The following TARBP2 variants were observed in gnomAD, a reference collection of about 807,000 sequenced individuals.
The protein encoded by TARBP2 is TARBP2 subunit of RISC loading complex.
TARBP2 carries 23 observed loss-of-function variants against 40.4 expected under a neutral mutation model. That is an observed-to-expected ratio of 0.57 (90% CI 0.41 to 0.81). The LOEUF is 0.81. Ranked by LOEUF, TARBP2 falls within the 30% of genes least tolerant of loss-of-function variation. TARBP2 has a pLI of 0.00. For synonymous variants in TARBP2, 183 were observed against 190.5 expected (o/e 0.96, Z 0.32); for missense variants, 358 against 473.7 (o/e 0.76, Z 2.27).
intron 1 of TARBP2, 155 bp downstream of exon 1, chr12:53,501,616 C>T (rs1264078339): frequency 2.0e-6 from 3 of 1,466,778 alleles, no homozygotes; most frequent in Non-Finnish European, 2.7e-6. Context: ...GGGGCAGTGG[C>T]TGCTGCCTCC....
At position 53,505,360 on chromosome 12, in the gene TARBP2, G is replaced by C; in HGVS notation, c.741+98G>C. On this transcript the variant is annotated intron_variant, in intron 7 of 8. Coordinates refer to ENST00000266987, the MANE Select transcript of TARBP2 (RefSeq NM_134323.2). The surrounding 1 kb of genome is among the most constrained non-coding windows in gnomAD (Gnocchi z 4.5). ...TGTGACTCAGCAGTGAGCCTCTCTG[G>C]GCCCTAGGTCTGCTTCTGCCACAGT... The C allele has an allele frequency of 6.7e-7, 1 of 1,490,844 alleles. No individual in the cohort carries two copies. The highest frequency in any genetic ancestry group is 9.0e-7 in the Non-Finnish European group (1 of 1,116,846). The allele number at this position is 1,490,844 out of a possible 1,614,324, so 92.4% of individuals were successfully genotyped here. A position where few individuals can be genotyped will look rare whatever the true frequency, so the allele number is the denominator to read the frequency against.
intron 3 of TARBP2, 166 bp downstream of exon 3, chr12:53,503,295 T>C: frequency 7.2e-7 from 1 of 1,388,190 alleles, no homozygotes; most frequent in Non-Finnish European, 9.4e-7. Flanking sequence ...TCTGCTGCTA[T>C]GAAGAATTCT....
In TARBP2 at chr12:53,505,866, G is replaced by A; in HGVS notation, c.943+16G>A. On this transcript the variant is annotated intron_variant, in intron 8 of 8. Transcript: ENST00000266987. The surrounding 1 kb of genome is among the most constrained non-coding windows in gnomAD (Gnocchi z 4.5). Reference sequence around the variant, plus strand: ...CTGGATATTGGTATGGCTAGCTGGGGAGCGAGCCAGGGGATGGTGGGGGCT... The same window carrying A: ...CTGGATATTGGTATGGCTAGCTGGGAAGCGAGCCAGGGGATGGTGGGGGCT... 2 of 1,611,666 alleles carry A rather than the reference G, an allele frequency of 1.2e-6. No individual in the cohort carries two copies. The highest frequency in any genetic ancestry group is 1.7e-6 in the Non-Finnish European group (2 of 1,178,068).
chr12:53,501,432 C>T lies in TARBP2; in HGVS notation c.24C>T (p.Ser8=), dbSNP rs1943696575. Residue 8 remains serine (S), a synonymous_variant, in exon 1 of 9, where the codon TCC becomes TCT. Coordinates refer to ENST00000266987, the MANE Select transcript of TARBP2 (RefSeq NM_134323.2). MSEEEQG[S]GTTTGCGLPS... is the part of the protein sequence containing the mutation. The stretch of plus-strand genomic sequence containing the variant: ...GAATGAGTGAAGAGGAGCAAGGCTC[C>T]GGCACTACCACGGGCTGCGGGCTGC... The T allele has an allele frequency of 6.4e-7, 1 of 1,568,782 alleles. No homozygotes were observed. Among genetic ancestry groups the T allele is most frequent in the Non-Finnish European group, 8.6e-7 (1 of 1,156,776 alleles).
rs1592744422 is a variant in TARBP2, at chr12:53,505,915, T to G, written c.943+65T>G. On this transcript the variant is annotated intron_variant, in intron 8 of 8. Transcript: ENST00000266987. The surrounding 1 kb of genome is among the most constrained non-coding windows in gnomAD (Gnocchi z 4.5). ...CTGGACCGGAGCAAGTAGAAGGGGG[T>G]GATGATAACGTGAACGCACCCCTCC... The G allele has an allele frequency of 1.2e-6, 2 of 1,603,574 alleles. No homozygotes were observed. The highest frequency in any genetic ancestry group is 1.7e-6 in the Non-Finnish European group (2 of 1,172,464).
Position 53,505,741 on chromosome 12 carries a change from C to T in TARBP2, c.834C>T (p.Ser278=), listed in dbSNP as rs761266200. Residue 278 remains serine, a synonymous_variant, in exon 8 of 9, where the codon TCC becomes TCT. Coordinates refer to ENST00000266987, the MANE Select transcript of TARBP2 (RefSeq NM_134323.2). This position sits in a 1 kb window ranked among gnomAD's most constrained non-coding sequence, Gnocchi z 4.5. ...ATTCAGTAGGAGAGAAGATCCTGTC[C>T]CTCCGCAGTTGCTCCCTGGGCTCCC... The part of the protein sequence containing the change: ...LRNSVGEKIL[S]LRSCSLGSLG... 6.2e-7 allele frequency: 1 copy of T among 1,614,030 alleles called. No homozygotes were observed. The highest frequency in any genetic ancestry group is 8.5e-7 in the Non-Finnish European group (1 of 1,179,964).
chr12:53,501,500 G>A (rs559790740), intron 1 of TARBP2, 39 bp downstream of exon 1: 13 of 1,553,430 alleles, frequency 8.4e-6, no homozygotes, highest in East Asian at 4.9e-5. Flanking sequence ...GGCGAAAAGC[G>A]TGGGGCCGTG....
chr12:53,504,172 A>C, intron 4 of TARBP2: 1 of 563,570 alleles, frequency 1.8e-6, no homozygotes, highest in South Asian at 2.5e-5. Flanking sequence ...AGTGTTCCAG[A>C]ATGGAAATGG....
intron 5 of TARBP2, 87 bp from the exon 6 acceptor site, chr12:53,504,611 G>T (rs1943881239): frequency 6.2e-7 from 1 of 1,612,316 alleles, no homozygotes; most frequent in East Asian, 2.2e-5. Flanking sequence ...CTCTCACCTA[G>T]AGTCTGAGGC....
rs1943815718 is a variant in TARBP2, at chr12:53,503,514, ACT to A, written c.327-194_327-193del. The A allele has an allele frequency of 6.8e-6, 4 of 590,220 alleles. No homozygotes were observed. The Admixed American group carries it at 9.2e-5, about 14-fold the overall frequency. The allele number at this position is 590,220 out of a possible 1,614,324, so 36.6% of individuals were successfully genotyped here. A position where few individuals can be genotyped will look rare whatever the true frequency, so the allele number is the denominator to read the frequency against. ...GTACAAAGATACCCTCTTCTCTGAG[ACT>A]CTCTTTTCTCAGTCTTTTCGCCGGT... On this transcript the variant is annotated intron_variant, in intron 3 of 8. Coordinates refer to ENST00000266987, the MANE Select transcript of TARBP2 (RefSeq NM_134323.2).
rs1943939136 is a variant in TARBP2 at position 53,505,587 on chromosome 12, G to A, written c.742-62G>A. The A allele has an allele frequency of 2.0e-6, 3 of 1,499,328 alleles. No homozygotes were observed. Among genetic ancestry groups the A allele is most frequent in the Non-Finnish European group, 2.8e-6 (3 of 1,079,406 alleles). The allele number at this position is 1,499,328 out of a possible 1,614,324, so 92.9% of individuals were successfully genotyped here. A position where few individuals can be genotyped will look rare whatever the true frequency, so the allele number is the denominator to read the frequency against. On this transcript the variant is annotated intron_variant, in intron 7 of 8. Coordinates refer to ENST00000266987, the MANE Select transcript of TARBP2 (RefSeq NM_134323.2). The surrounding 1 kb of genome is among the most constrained non-coding windows in gnomAD (Gnocchi z 4.5). ...GCTTTGTTCTCCTTTGACGTTGAAT[G>A]TCTCAATGCCTGGGTCCCACAGTCT...
In TARBP2 at chr12:53,504,709, G is replaced by A. The variant is rs1266282543; in HGVS notation, c.507G>A (p.Val169=). 5.6e-6 allele frequency: 9 copies of A among 1,614,198 alleles called. No individual in the cohort carries two copies. The highest frequency in any genetic ancestry group is 7.6e-6 in the Non-Finnish European group (9 of 1,180,038). The change falls in exon 6 of 9, where the codon GTG becomes GTA. Residue 169 remains valine (V), a synonymous_variant. Transcript: ENST00000266987. Reference sequence around the variant, plus strand: ...GTCTCCCTTCCAAGGAGCTGGTGGTGCAGAAAGGCTGGCGGTTGCCGGAGT... The same window carrying A: ...GTCTCCCTTCCAAGGAGCTGGTGGTACAGAAAGGCTGGCGGTTGCCGGAGT... ...NPVGALQELV[V]QKGWRLPEYT... is the part of the protein sequence containing the mutation.
intron 1 of TARBP2, 108 bp from the exon 2 acceptor site, chr12:53,501,907 C>T (rs1943730554): frequency 2.7e-6 from 4 of 1,498,408 alleles, no homozygotes; most frequent in Non-Finnish European, 3.6e-6. Context: ...GTCTGGGGTT[C>T]CTTGGACCCT....
At chr12:53,504,312 TA>T in intron 4 of TARBP2, 84 bp from the exon 5 acceptor site, 1 of 1,281,034 alleles carries the variant, frequency 7.8e-7, no homozygotes, top group Non-Finnish European at 1.1e-6. Context: ...GTCAGGAATC[TA>T]AAGTAGTGGT....
rs1038216320 is a variant in TARBP2, at chr12:53,502,009, C to T, written c.54-6C>T. The T allele has an allele frequency of 6.2e-7, 1 of 1,613,914 alleles. No individual in the cohort carries two copies. The highest frequency in any genetic ancestry group is 1.7e-5 in the Admixed American group (1 of 59,990). On this transcript the variant is annotated splice_region_variant and splice_polypyrimidine_tract_variant and intron_variant, in intron 1 of 8. Transcript: ENST00000266987. ...GTGTGATGTGGGTCTGTGCCCCTTC[C>T]CCCAGTATAGAGCAAATGCTGGCCG...
intron 2 of TARBP2, chr12:53,502,454 C>T (rs1943758303): frequency 2.2e-6 from 1 of 464,316 alleles, no homozygotes; most frequent in Non-Finnish European, 3.9e-6. Context: ...TAACTGAAAT[C>T]CCAGTGGAGT....
In TARBP2 at chr12:53,503,114, C is replaced by T; in HGVS notation, c.311C>T (p.Ala104Val). 1.3e-6 allele frequency: 2 copies of T among 1,549,760 alleles called. No individual in the cohort carries two copies. Among genetic ancestry groups the T allele is most frequent in the Non-Finnish European group, 1.7e-6 (2 of 1,146,014 alleles). Residue 104 changes from alanine to valine, a missense_variant, in exon 3 of 9, where the codon GCC (alanine) becomes GTC (valine). Physicochemically the swap from Ala to Val is moderately conservative, Grantham distance 64 (BLOSUM62 0). Transcript: ENST00000266987. ...HLKGGSMLEP[A>V]LEDSSSFSPL... is the part of the protein sequence containing the mutation. ...AAAGGGGGGAGCATGCTGGAGCCGG[C>T]CCTGGAGGACAGCAGGTGAGGGAGG... is the stretch of plus-strand genomic sequence containing the variant.
chr12:53,503,404 G>C, intron 3 of TARBP2: 3 of 646,012 alleles, frequency 4.6e-6, no homozygotes, highest in Middle Eastern at 4.3e-4. Flanking sequence ...GCTAAAGGGA[G>C]TTACTCCCCA....
rs1032662440 is a variant in TARBP2 at position 53,504,293 on chromosome 12, G to A, written c.423-104G>A. The A allele has an allele frequency of 8.3e-6, 9 of 1,088,698 alleles. No homozygotes were observed. The African/African-American group carries it at 1.3e-4, about 16-fold the overall frequency. The allele number at this position is 1,088,698 out of a possible 1,614,324, so 67.4% of individuals were successfully genotyped here. A position where few individuals can be genotyped will look rare whatever the true frequency, so the allele number is the denominator to read the frequency against. On this transcript the variant is annotated intron_variant, in intron 4 of 8. Coordinates refer to ENST00000266987, the MANE Select transcript of TARBP2 (RefSeq NM_134323.2). ...ACAGCTCCCCACCCGGTGGAATCGG[G>A]AGATGGTAGTCAGGAATCTAAAGTA...
Sources: allele counts gnomAD v4.1 joint callset, GRCh38; gene constraint gnomAD v4.1.1; non-coding constraint Gnocchi (gnomAD v3.1); transcripts MANE v1.5; gene names NCBI Gene and HGNC (gene_info 2026-07-23, HGNC 2026-07-21).